The following IMPG2 variants were observed in gnomAD, a reference collection of about 807,000 sequenced individuals.
IMPG2 encodes interphotoreceptor matrix proteoglycan 2, also known as IPM 200.
A neutral mutation model predicts 129.2 loss-of-function variants in IMPG2; 91 were observed. The ratio of observed to expected loss-of-function variants is 0.70; its 90% confidence interval spans 0.59 to 0.84. The LOEUF is 0.84. Among genes scored for constraint, IMPG2 ranks in the 40% least tolerant of loss-of-function variants. The probability of loss-of-function intolerance (pLI) is 0.00; values close to 1 mark genes in which losing one functional copy is unlikely to be tolerated. For synonymous variants in IMPG2, 510 were observed against 517.7 expected (o/e 0.99, Z 0.20); for missense variants, 1,430 against 1,461.7 (o/e 0.98, Z 0.35).
intron 4 of IMPG2, among the ~76,000 whole-genome samples, chr3:101,277,471 A>G (rs1250447222): frequency 6.6e-6 from 1 of 152,228 alleles, no homozygotes; most frequent in African/African-American, 2.4e-5. Flanking sequence ...TACACACTAA[A>G]TCAATAATTA....
At chr3:101,230,898 C>T (rs1234057341) in intron 16 of IMPG2, 59 bp downstream of exon 16, 2 of 1,511,666 alleles carry the variant, frequency 1.3e-6, no homozygotes, top group Non-Finnish European at 9.1e-7. Context: ...CTGGTAAGTA[C>T]TAAATAAATG....
At chr3:101,288,931 G>A (rs753883171) in intron 4 of IMPG2, among the ~76,000 whole-genome samples, 3 of 152,078 alleles carry the variant, frequency 2.0e-5, no homozygotes, top group Admixed American at 1.3e-4. Context: ...GGTCTGATTG[G>A]TTAAACAAAG....
At chr3:101,274,987 C>T (rs558572630) in intron 6 of IMPG2, among the ~76,000 whole-genome samples, 1 of 151,442 alleles carries the variant, frequency 6.6e-6, no homozygotes, top group Admixed American at 6.6e-5. Flanking sequence ...AAAATGTCCA[C>T]GTTGGGAAGT....
Position 101,255,870 on chromosome 3 carries a change from A to G in IMPG2, c.1153+1659T>C, listed in dbSNP as rs558185989. The stretch of plus-strand genomic sequence containing the variant: ...TATAAAGCCTCCCTAATGTTTAAGA[A>G]TGAATAGTTCTATAATACTCTCATT... On this transcript the variant is annotated intron_variant, in intron 10 of 18. Transcript: ENST00000193391. 2.0e-5 allele frequency among the ~76,000 whole-genome samples: 3 copies of G among 152,034 alleles called. No individual in the cohort carries two copies. The South Asian group carries it at 6.2e-4, about 32-fold the overall frequency.
intron 5 of IMPG2, 119 bp downstream of exon 5, chr3:101,276,545 T>TA (rs1434240521): frequency 4.2e-6 from 3 of 721,780 alleles, no homozygotes; most frequent in Admixed American, 5.4e-5. Flanking sequence ...AAAAACGTAT[T>TA]AAAAAAGAGA....
At chr3:101,235,379 T>G (rs1158002508) in intron 14 of IMPG2, among the ~76,000 whole-genome samples, 1 of 152,236 alleles carries the variant, frequency 6.6e-6, no homozygotes, top group Non-Finnish European at 1.5e-5. Flanking sequence ...ATTTCAGATT[T>G]CAGATTTTCA....
intron 10 of IMPG2, 152 bp downstream of exon 10, chr3:101,257,377 G>T: frequency 3.5e-6 from 3 of 865,214 alleles, no homozygotes; most frequent in Non-Finnish European, 5.5e-6. Flanking sequence ...CAAAATAGCT[G>T]CATGGCTAAA....
intron 14 of IMPG2, among the ~76,000 whole-genome samples, chr3:101,235,183 A>G (rs2107210370): frequency 6.6e-6 from 1 of 152,354 alleles, no homozygotes. Context: ...GTTCGGCATC[A>G]CCATCATGCT....
chr3:101,242,613 T>G, intron 14 of IMPG2, 75 bp downstream of exon 14: 1 of 1,088,916 alleles, frequency 9.2e-7, no homozygotes, highest in Non-Finnish European at 1.4e-6. Flanking sequence ...TTCACCTTAA[T>G]GCAATGAGGA....
intron 2 of IMPG2, among the ~76,000 whole-genome samples, chr3:101,318,742 C>T (rs2058796870): frequency 6.6e-6 from 1 of 152,050 alleles, no homozygotes; most frequent in East Asian, 1.9e-4. Flanking sequence ...AACATCACAT[C>T]CATATTATGG....
chr3:101,244,867 T>G (rs1706459034), intron 12 of IMPG2, 80 bp from the exon 13 acceptor site: 4 of 1,233,548 alleles, frequency 3.2e-6, no homozygotes. Context: ...ACTAGTTGCC[T>G]GTTTTTTCCC....
chr3:101,304,622 G>A (rs1405249237), intron 2 of IMPG2, among the ~76,000 whole-genome samples: 1 of 152,080 alleles, frequency 6.6e-6, no homozygotes, highest in Non-Finnish European at 1.5e-5. Flanking sequence ...AGCTGATATT[G>A]AGTATACTGT....
chr3:101,243,636 A>C lies in IMPG2; in HGVS notation c.2695T>G (p.Leu899Val). Residue 899 changes from leucine to valine, a missense_variant, in exon 13 of 19, where the codon TTG becomes GTG. By Grantham distance (32) the Leu-to-Val change is conservative. Transcript: ENST00000193391. Reference protein sequence around the residue: ...DLSYTQTSGALVVFFSLRVTN... With the variant: ...DLSYTQTSGAVVVFFSLRVTN... ...ACTCGGAGGCTGAAGAAAACCACCA[A>C]AGCTCCTGAAGTCTGGGTATAACTC... 6.2e-7 allele frequency: 1 copy of C among 1,613,906 alleles called. No individual in the cohort carries two copies. Among genetic ancestry groups the C allele is most frequent in the Non-Finnish European group, 8.5e-7 (1 of 1,179,954 alleles).
chr3:101,269,169 T>A (rs1706751687), intron 8 of IMPG2, among the ~76,000 whole-genome samples: 1 of 151,238 alleles, frequency 6.6e-6, no homozygotes, highest in African/African-American at 2.4e-5. Context: ...ATCACCACAC[T>A]GACAAGCTTT....
intron 14 of IMPG2, among the ~76,000 whole-genome samples, chr3:101,237,039 G>A (rs527331613): frequency 3.5e-4 from 54 of 152,270 alleles, no homozygotes; most frequent in African/African-American, 9.9e-4. Context: ...AGAGAGGGGC[G>A]TCCACCATTA....
intron 11 of IMPG2, among the ~76,000 whole-genome samples, chr3:101,253,324 T>C (rs1303651944): frequency 2.6e-5 from 4 of 152,162 alleles, no homozygotes; most frequent in African/African-American, 9.7e-5. Context: ...ACAAAAAATC[T>C]ACGCTCTATA....
intron 2 of IMPG2, among the ~76,000 whole-genome samples, chr3:101,309,557 G>C (rs9846428): frequency 7.3e-4 from 111 of 152,148 alleles, no homozygotes; most frequent in African/African-American, 2.5e-3. Context: ...ATGAGAACTT[G>C]CTCACTATCA....
intron 3 of IMPG2, among the ~76,000 whole-genome samples, chr3:101,295,757 T>A (rs561329754): frequency 6.6e-6 from 1 of 152,296 alleles, no homozygotes; most frequent in South Asian, 2.1e-4. Flanking sequence ...GGTTTGTAGT[T>A]CTCCTTGAAG....
Position 101,257,480 on chromosome 3 carries a change from T to C in IMPG2, c.1153+49A>G, listed in dbSNP as rs947698539. ...CAGGAAATTAGTTTACACCAGAGCATACTGGAAAAGAAACTATACAAGGAC... is the reference window on the plus strand; with the variant it reads ...CAGGAAATTAGTTTACACCAGAGCACACTGGAAAAGAAACTATACAAGGAC... On this transcript the variant is annotated intron_variant, in intron 10 of 18. Transcript: ENST00000193391. The C allele has an allele frequency of 6.2e-6, 10 of 1,605,608 alleles. No homozygotes were observed. The East Asian group carries it at 1.3e-4, about 21-fold the overall frequency.
Sources: allele counts gnomAD v4.1 joint callset (sites outside exome capture counted in the v4.1 genomes callset), GRCh38; gene constraint gnomAD v4.1.1; transcripts MANE v1.5; gene names NCBI Gene and HGNC (gene_info 2026-07-23, HGNC 2026-07-21).